The following MUSK variants were observed in gnomAD, a reference collection of about 807,000 sequenced individuals.
MUSK encodes muscle, skeletal receptor tyrosine-protein kinase.
Under a neutral mutation model 88.7 loss-of-function variants are expected in MUSK, and 55 were observed. That is an observed-to-expected ratio of 0.62 (90% CI 0.50 to 0.78). The LOEUF (loss-of-function observed/expected upper bound fraction) is 0.78. MUSK is among the 30% of genes least tolerant of loss of function. MUSK has a pLI of 0.00. For synonymous variants in MUSK, 387 were observed against 391.9 expected, an observed-to-expected ratio of 0.99 and a Z score of 0.15; for missense variants, 1,015 against 1,074.3, an observed-to-expected ratio of 0.94 and a Z score of 0.77.
chr9:110,695,584 A>C lies in MUSK; in HGVS notation c.486+54A>C, dbSNP rs192015801. On this transcript the variant is annotated intron_variant, in intron 4 of 14. Transcript: ENST00000374448. ...TATAAAATGTATTTTAAAATATAAC[A>C]TTTCTTTACACACTCAGTTACACAC... 9.4e-6 allele frequency: 13 copies of C among 1,377,052 alleles called. No homozygotes were observed. The African/African-American group carries it at 1.9e-4, about 21-fold the overall frequency. 85.3% of individuals were successfully genotyped at this position (1,377,052 alleles called of 1,614,324 possible). A position where few individuals can be genotyped will look rare whatever the true frequency, so the allele number is the denominator to read the frequency against.
At chr9:110,690,785 T>C (rs1222665176) in intron 3 of MUSK, among the ~76,000 whole-genome samples, 1 of 96,836 alleles carries the variant, frequency 1.0e-5, no homozygotes, top group Non-Finnish European at 1.9e-5. Flanking sequence ...TAAATATAAG[T>C]ATATATATAA....
At chr9:110,751,124 C>T (rs1024796422) in intron 7 of MUSK, among the ~76,000 whole-genome samples, 7 of 152,140 alleles carry the variant, frequency 4.6e-5, no homozygotes, top group African/African-American at 1.7e-4. Context: ...AGGGAAGATT[C>T]ATCCCATGGA....
chr9:110,756,930 T>C (rs1250102296), intron 7 of MUSK, among the ~76,000 whole-genome samples: 1 of 152,124 alleles, frequency 6.6e-6, no homozygotes, highest in Admixed American at 6.6e-5. Context: ...TAATCATTTG[T>C]CTTGCTTTTT....
At chr9:110,797,542 G>A (rs74339755) in intron 14 of MUSK, among the ~76,000 whole-genome samples, 15,635 of 152,146 alleles carry the variant, frequency 0.1, 1,064 homozygotes, top group South Asian at 0.24. Flanking sequence ...AAGGAATCTA[G>A]ATAAATATTA....
At chr9:110,695,659 TA>T (rs1209276979) in intron 4 of MUSK, 129 bp downstream of exon 4, 1 of 776,354 alleles carries the variant, frequency 1.3e-6, no homozygotes, top group East Asian at 3.1e-5. Flanking sequence ...TAACCAAATG[TA>T]AATATTTCTG....
intron 5 of MUSK, among the ~76,000 whole-genome samples, chr9:110,711,248 A>AT (rs1238822098): frequency 6.7e-6 from 1 of 148,812 alleles, no homozygotes; most frequent in Non-Finnish European, 1.5e-5. Context: ...AACTTAAAGT[A>AT]TAATAATAAT....
chr9:110,671,902 C>T (rs935687205), intron 1 of MUSK, among the ~76,000 whole-genome samples: 2 of 152,126 alleles, frequency 1.3e-5, no homozygotes, highest in African/African-American at 2.4e-5. Flanking sequence ...TCAAAACACC[C>T]GACTTACTAC....
intron 7 of MUSK, among the ~76,000 whole-genome samples, chr9:110,751,366 G>T (rs1188525302): frequency 6.6e-6 from 1 of 152,166 alleles, no homozygotes; most frequent in Non-Finnish European, 1.5e-5. Flanking sequence ...AGGGTGTAGG[G>T]AGAGGTCATC....
chr9:110,735,361 G>A (rs541922568), intron 6 of MUSK, among the ~76,000 whole-genome samples: 9 of 152,208 alleles, frequency 5.9e-5, no homozygotes, highest in Non-Finnish European at 1.2e-4. Flanking sequence ...TATACACAAT[G>A]AAAGAAATAT....
Position 110,800,634 on chromosome 9 carries a change from A to T in MUSK, c.2256A>T (p.Ser752=), listed in dbSNP as rs748580915. Residue 752 remains serine, a synonymous_variant, in exon 15 of 15, where the codon TCA becomes TCT. Coordinates refer to ENST00000374448, the MANE Select transcript of MUSK (RefSeq NM_005592.4). ...ADFGLSRNIY[S]ADYYKANEND... ...TTGGCCTCTCCAGGAACATCTACTC[A>T]GCAGACTACTACAAAGCTAATGAAA... 5.0e-6 allele frequency: 8 copies of T among 1,613,366 alleles called. No individual in the cohort carries two copies. The South Asian group carries it at 8.8e-5, about 18-fold the overall frequency.
At chr9:110,771,524 ACTT>A (rs1393127781) in intron 9 of MUSK, among the ~76,000 whole-genome samples, 2 of 152,012 alleles carry the variant, frequency 1.3e-5, no homozygotes, top group Admixed American at 6.5e-5. Flanking sequence ...TTTGTGTCTG[ACTT>A]CTTTTGTTCA....
At chr9:110,719,471 A>G (rs2076783852) in intron 5 of MUSK, among the ~76,000 whole-genome samples, 1 of 152,140 alleles carries the variant, frequency 6.6e-6, no homozygotes, top group Admixed American at 6.5e-5. Context: ...CTATAGAGCA[A>G]TAGCAGTTAA....
intron 8 of MUSK, among the ~76,000 whole-genome samples, chr9:110,765,619 G>GC (rs2077468958): frequency 6.6e-6 from 1 of 152,142 alleles, no homozygotes; most frequent in Non-Finnish European, 1.5e-5. Context: ...TGTCACCCAG[G>GC]CCGGAGTGCA....
intron 4 of MUSK, among the ~76,000 whole-genome samples, chr9:110,697,024 C>CCATATA (rs1293280173): frequency 3.4e-5 from 5 of 147,470 alleles, no homozygotes; most frequent in African/African-American, 1.2e-4. Flanking sequence ...CAAAATAAGC[C>CCATATA]CATATACATA....
chr9:110,702,800 GGAGGATGGC>G (rs2076548409), intron 5 of MUSK, among the ~76,000 whole-genome samples: 1 of 152,080 alleles, frequency 6.6e-6, no homozygotes, highest in Admixed American at 6.6e-5. Context: ...GCCTGAAGTG[GGAGGATGGC>G]TTGAACCTGG....
chr9:110,768,388 C>T (rs955519523), intron 9 of MUSK, among the ~76,000 whole-genome samples: 5 of 152,020 alleles, frequency 3.3e-5, no homozygotes, highest in East Asian at 1.9e-4. Flanking sequence ...CCCAGCTACT[C>T]GGGAGGCTGA....
intron 6 of MUSK, among the ~76,000 whole-genome samples, chr9:110,745,700 T>C (rs2077167488): frequency 6.6e-6 from 1 of 152,192 alleles, no homozygotes; most frequent in South Asian, 2.1e-4. Context: ...CTTAAAAACA[T>C]TTTTCTCTTC....
At position 110,767,924 on chromosome 9, in the gene MUSK, C is replaced by T. The variant is rs375762569; in HGVS notation, c.1025C>T (p.Ala342Val). The T allele has an allele frequency of 9.7e-5, 157 of 1,613,916 alleles. 1 individual carries two copies. The African/African-American group carries it at 1.3e-3, about 13-fold the overall frequency. Residue 342 changes from alanine (A) to valine (V), a missense_variant, in exon 9 of 15, where the codon GCG becomes GTG. Physicochemically the swap from Ala to Val is moderately conservative, Grantham distance 64. Coordinates refer to ENST00000374448, the MANE Select transcript of MUSK (RefSeq NM_005592.4). ...CTTGTTTTTCTCAACACCTCCTATG[C>T]GGACCCTGAGGAGGCCCAAGAGCTA... is the stretch of plus-strand genomic sequence containing the variant. ...DALVFLNTSY[A>V]DPEEAQELLV...
chr9:110,787,411 G>A (rs1190545823), intron 13 of MUSK, among the ~76,000 whole-genome samples: 2 of 151,348 alleles, frequency 1.3e-5, no homozygotes, highest in Admixed American at 6.6e-5. Flanking sequence ...AATCCTATTG[G>A]GGGTGTATAC....
Sources: allele counts gnomAD v4.1 joint callset (sites outside exome capture counted in the v4.1 genomes callset), GRCh38; gene constraint gnomAD v4.1.1; transcripts MANE v1.5; gene names NCBI Gene and HGNC (gene_info 2026-07-23, HGNC 2026-07-21).